The following MBD2 variants were observed in gnomAD, a reference collection of about 807,000 sequenced individuals.
MBD2 encodes the protein methyl-CpG-binding domain protein 2.
In MBD2, 9 loss-of-function variants were observed where a neutral mutation model predicts 39.3. The ratio of observed to expected loss-of-function variants is 0.23; its 90% CI spans 0.14 to 0.40. The LOEUF (loss-of-function observed/expected upper bound fraction) is 0.40, where lower values mean the gene tolerates loss of function less well. Among genes scored for constraint, MBD2 ranks in the 10% least tolerant of loss-of-function variants. MBD2 has a pLI of 1.00. For missense variants in MBD2, 458 were observed against 532.6 expected, an observed-to-expected ratio of 0.86 and a Z score of 1.38; for synonymous variants, 233 against 211.1, an observed-to-expected ratio of 1.10 and a Z score of -0.90.
intron 3 of MBD2, among the ~76,000 whole-genome samples, chr18:54,176,540 T>C (rs1404195544): frequency 6.6e-6 from 1 of 152,208 alleles, no homozygotes; most frequent in Non-Finnish European, 1.5e-5. Flanking sequence ...AGTGTGTACT[T>C]TCTAGTCACT....
At chr18:54,211,583 A>C (rs2086508230) in intron 1 of MBD2, among the ~76,000 whole-genome samples, 1 of 151,898 alleles carries the variant, frequency 6.6e-6, no homozygotes, top group African/African-American at 2.4e-5. Context: ...TTTTATTCAT[A>C]TCTCCCATGT....
intron 1 of MBD2, chr18:54,222,377 C>A: frequency 1.9e-6 from 1 of 518,100 alleles, no homozygotes; most frequent in East Asian, 5.5e-5. Flanking sequence ...CAAATCCTGG[C>A]CCCACAGCCT....
At chr18:54,175,651 T>G (rs1385400264) in intron 3 of MBD2, among the ~76,000 whole-genome samples, 4 of 152,196 alleles carry the variant, frequency 2.6e-5, no homozygotes, top group African/African-American at 9.6e-5. Context: ...CTCCCACTAG[T>G]AGAGAGAACT....
At chr18:54,203,221 G>C in intron 2 of MBD2, 4 of 1,301,434 alleles carry the variant, frequency 3.1e-6, no homozygotes, top group Non-Finnish European at 4.2e-6. Flanking sequence ...CTGTGGTTCT[G>C]GTAACAGTAC....
chr18:54,194,728 T>C (rs1310580905), intron 2 of MBD2, among the ~76,000 whole-genome samples: 1 of 152,082 alleles, frequency 6.6e-6, no homozygotes, highest in African/African-American at 2.4e-5. Flanking sequence ...AATGAGTAGA[T>C]AGAATGAATT....
At chr18:54,182,816 C>T (rs574673361) in intron 3 of MBD2, among the ~76,000 whole-genome samples, 4 of 152,062 alleles carry the variant, frequency 2.6e-5, no homozygotes, top group East Asian at 1.9e-4. Flanking sequence ...CCTGTGGTCC[C>T]GGCTACTCAG....
At chr18:54,180,301 G>A (rs946146898) in intron 3 of MBD2, among the ~76,000 whole-genome samples, 4 of 151,996 alleles carry the variant, frequency 2.6e-5, no homozygotes, top group African/African-American at 9.7e-5. Context: ...TTTTTGATGA[G>A]CATGTGGCAG....
At chr18:54,200,692 GGC>G (rs2086400043) in intron 2 of MBD2, among the ~76,000 whole-genome samples, 1 of 151,940 alleles carries the variant, frequency 6.6e-6, no homozygotes, top group Non-Finnish European at 1.5e-5. Context: ...TGCATATTGA[GGC>G]GCAAAGCTTA....
intron 1 of MBD2, among the ~76,000 whole-genome samples, chr18:54,217,160 G>A (rs2086568485): frequency 1.3e-5 from 2 of 152,038 alleles, no homozygotes; most frequent in South Asian, 2.1e-4. Flanking sequence ...TAAAACACTC[G>A]ATTACTCCTG....
chr18:54,191,008 G>C (rs1036980034), intron 2 of MBD2, among the ~76,000 whole-genome samples: 1 of 152,136 alleles, frequency 6.6e-6, no homozygotes, highest in Non-Finnish European at 1.5e-5. Context: ...TGGCAAAAAG[G>C]ATGAAGTAAC....
chr18:54,168,391 CAT>C (rs145782176), intron 3 of MBD2, among the ~76,000 whole-genome samples: 1,946 of 151,798 alleles, frequency 0.013, 32 homozygotes, highest in South Asian at 0.056. Flanking sequence ...GGTACCACCA[CAT>C]GTCATCTGAT....
chr18:54,217,088 TCAAAA>T (rs1226894591), intron 1 of MBD2, among the ~76,000 whole-genome samples: 2 of 152,156 alleles, frequency 1.3e-5, no homozygotes, highest in Non-Finnish European at 2.9e-5. Context: ...AAACTCCGTC[TCAAAA>T]CAAAACAAAA....
rs556851819 is a variant in MBD2, at chr18:54,183,060, G to A, written c.840+5814C>T. Among the ~76,000 whole-genome samples, 15 of 152,322 alleles carry A rather than the reference G, an allele frequency of 9.8e-5. No homozygotes were observed. The South Asian group carries it at 2.7e-3, about 27-fold the overall frequency. On this transcript the variant is annotated intron_variant, in intron 3 of 6. Coordinates refer to ENST00000256429, the MANE Select transcript of MBD2 (RefSeq NM_003927.5). ...ACTTGCTGGCTAAATAGACGCTTGG[G>A]GTGAAAGATAGGAAGAATCAAGGAT...
chr18:54,220,563 C>A (rs959580532), intron 1 of MBD2, among the ~76,000 whole-genome samples: 127 of 152,092 alleles, frequency 8.4e-4, no homozygotes, highest in African/African-American at 3.1e-3. Flanking sequence ...AATTAATCTC[C>A]CCAGGGGCAG....
intron 1 of MBD2, among the ~76,000 whole-genome samples, chr18:54,207,965 G>C (rs1409514416): frequency 6.6e-6 from 1 of 152,116 alleles, no homozygotes; most frequent in Non-Finnish European, 1.5e-5. Context: ...ATGAACCCAG[G>C]AGGCGGAGCT....
In MBD2 at chr18:54,191,067, A is replaced by G. The variant is rs193135649; in HGVS notation, c.703-2056T>C. On this transcript the variant is annotated intron_variant, in intron 2 of 6. Transcript: ENST00000256429. ...CTGATATATTTTTGATATTTACAGG[A>G]TATTTGATGAACTTTTATCTTTACT... is the stretch of plus-strand genomic sequence containing the variant. Among the ~76,000 whole-genome samples, 49 of 152,300 alleles carry G rather than the reference A, an allele frequency of 3.2e-4. No homozygotes were observed. In the East Asian group the frequency reaches 9.5e-3, roughly 29 times the overall value.
At chr18:54,164,820 T>C in intron 4 of MBD2, 120 bp from the exon 5 acceptor site, 1 of 722,890 alleles carries the variant, frequency 1.4e-6, no homozygotes, top group Non-Finnish European at 2.2e-6. Flanking sequence ...AAAACTGACA[T>C]AAGACAAAGC....
At chr18:54,220,865 C>T (rs1382690281) in intron 1 of MBD2, among the ~76,000 whole-genome samples, 2 of 152,180 alleles carry the variant, frequency 1.3e-5, no homozygotes, top group East Asian at 3.9e-4. Context: ...CTACATACAC[C>T]TTACTGACTC....
intron 6 of MBD2, among the ~76,000 whole-genome samples, chr18:54,156,865 T>TA (rs908313333): frequency 6.7e-5 from 10 of 148,420 alleles, no homozygotes; most frequent in African/African-American, 1.2e-4. Flanking sequence ...AAAATAATAA[T>TA]AAAAAAAAAG....
Sources: allele counts gnomAD v4.1 joint callset (sites outside exome capture counted in the v4.1 genomes callset), GRCh38; gene constraint gnomAD v4.1.1; transcripts MANE v1.5; gene names NCBI Gene and HGNC (gene_info 2026-07-23, HGNC 2026-07-21).